REXO1: variants seen among roughly 807,000 people sequenced by gnomAD.
REXO1 encodes REX1, RNA exonuclease 1 homolog.
Under a neutral mutation model 102.6 loss-of-function variants are expected in REXO1, and 42 were observed. The ratio of observed to expected loss-of-function variants is 0.41; its 90% CI spans 0.32 to 0.53. The LOEUF is 0.53. Ranked by LOEUF, REXO1 falls within the 20% of genes least tolerant of loss-of-function variation. REXO1 has a pLI of 0.27. For synonymous variants in REXO1, 908 were observed against 779.1 expected (o/e 1.17, Z -2.76); for missense variants, 1,819 against 1,732.5 (o/e 1.05, Z -0.89).
At chr19:1,820,636 T>C (rs1242330397) in intron 5 of REXO1, among the ~76,000 whole-genome samples, 1 of 152,220 alleles carries the variant, frequency 6.6e-6, no homozygotes, top group African/African-American at 2.4e-5. Context: ...GAACTTGCTG[T>C]ACTTTCTGCT....
intron 5 of REXO1, among the ~76,000 whole-genome samples, chr19:1,820,949 T>A (rs1440031787): frequency 2.8e-5 from 4 of 143,322 alleles, no homozygotes; most frequent in East Asian, 2.1e-4. Flanking sequence ...CAGTGAGCCA[T>A]GATTGCGCCC....
chr19:1,835,767 C>T (rs1346213799), intron 1 of REXO1, among the ~76,000 whole-genome samples: 1 of 152,178 alleles, frequency 6.6e-6, no homozygotes, highest in Admixed American at 6.5e-5. Context: ...CTGCCCCTTC[C>T]TCCCTGCTTC....
intron 1 of REXO1, among the ~76,000 whole-genome samples, chr19:1,831,394 A>G (rs2069897331): frequency 6.6e-6 from 1 of 152,152 alleles, no homozygotes; most frequent in Non-Finnish European, 1.5e-5. Flanking sequence ...ACAGCGTGCT[A>G]AGACTTCCGT....
Position 1,825,903 on chromosome 19 carries a change from C to A in REXO1, c.1952G>T (p.Gly651Val). 1 of 1,611,294 alleles carries A rather than the reference C, an allele frequency of 6.2e-7. No homozygotes were observed. Among genetic ancestry groups the A allele is most frequent in the Non-Finnish European group, 8.5e-7 (1 of 1,179,398 alleles). The change falls in exon 3 of 16, where the codon GGT becomes GTT. Residue 651 changes from glycine (G) to valine (V), a missense_variant. Gly to Val is a moderately radical substitution (Grantham distance 109). Transcript: ENST00000170168. ...CTGCCCGGGGAACAGAGTGGTCAGA[C>A]CCGAAAGCCCCTTCTCCTCACTCTT... ...EEKSEEKGLS[G>V]LTTLFPGQKR...
intron 4 of REXO1, 138 bp downstream of exon 4, chr19:1,823,434 G>T: frequency 1.9e-6 from 1 of 518,830 alleles, no homozygotes; most frequent in Non-Finnish European, 3.0e-6. Context: ...GCAGGCTGAG[G>T]GCCCCAGGGA....
In REXO1 at chr19:1,828,379, G is replaced by T. The variant is rs755478987; in HGVS notation, c.410C>A (p.Thr137Asn). The T allele has an allele frequency of 3.7e-6, 6 of 1,608,706 alleles. No homozygotes were observed. Among genetic ancestry groups the T allele is most frequent in the Non-Finnish European group, 4.2e-6 (5 of 1,177,852 alleles). ...LAPRGPNASP[T>N]VGPDEDAFPL... ...GAAGGCATCCTCGTCCGGGCCCACAGTGGGGCTGGCGTTGGGGCCGCGGGG... is the reference window on the plus strand; with the variant it reads ...GAAGGCATCCTCGTCCGGGCCCACATTGGGGCTGGCGTTGGGGCCGCGGGG... Residue 137 changes from threonine to asparagine, a missense_variant, in exon 2 of 16, where the codon ACT becomes AAT. Physicochemically the swap from Thr to Asn is moderately conservative, Grantham distance 65. Coordinates refer to ENST00000170168, the MANE Select transcript of REXO1 (RefSeq NM_020695.4).
At position 1,821,667 on chromosome 19, in the gene REXO1, T is replaced by C; in HGVS notation, c.2246A>G (p.Lys749Arg). 6.2e-7 allele frequency: 1 copy of C among 1,612,444 alleles called. No homozygotes were observed. The highest frequency in any genetic ancestry group is 2.2e-5 in the East Asian group (1 of 44,838). The change falls in exon 5 of 16, where the codon AAG becomes AGG. Residue 749 changes from lysine (K) to arginine (R), a missense_variant. By Grantham distance (26) the Lys-to-Arg change is conservative. Transcript: ENST00000170168. ...PRLAAAPTGA[K>R]RTLAASGSQS... ...GCTGCCGCTGGCCGCAAGGGTCCTC[T>C]TGGCACCTGTGGGGGCTGGCGGGGC... is the stretch of plus-strand genomic sequence containing the variant.
Position 1,815,904 on chromosome 19 carries a change from T to C in REXO1, c.*162A>G, listed in dbSNP as rs1039723878. ...GGGTGCGGCAGGACGTGAGCGGGGG[T>C]GGGCTGGGCTGGGCGTTCTCTGGCC... is the stretch of plus-strand genomic sequence containing the variant. On this transcript the variant is annotated 3_prime_UTR_variant, in exon 16 of 16. Transcript: ENST00000170168. The surrounding 1 kb of genome is among the most constrained non-coding windows in gnomAD (Gnocchi z 4.0). The C allele has an allele frequency of 4.8e-6, 4 of 825,250 alleles. No homozygotes were observed. The highest frequency in any genetic ancestry group is 7.1e-6 in the Non-Finnish European group (4 of 564,324). The allele number at this position is 825,250 out of a possible 1,614,324, so 51.1% of individuals were successfully genotyped here.
In REXO1 at chr19:1,848,279, G is replaced by A; in HGVS notation, c.80C>T (p.Pro27Leu). 6 of 1,232,322 alleles carry A rather than the reference G, an allele frequency of 4.9e-6. No individual in the cohort carries two copies. The highest frequency in any genetic ancestry group is 6.1e-6 in the Non-Finnish European group (6 of 982,344). The allele number at this position is 1,232,322 out of a possible 1,614,324, so 76.3% of individuals were successfully genotyped here. A position where few individuals can be genotyped will look rare whatever the true frequency, so the allele number is the denominator to read the frequency against. ...CCCGCGGTGCCGGAAGTGGCAGTAG[G>A]GCCGCCGGCAGGGCCCCCCGGGCGC... ...SGAPGGPCRR[P>L]YCHFRHRGAR... The change falls in exon 1 of 16, where the codon CCC becomes CTC. Residue 27 changes from proline to leucine, a missense_variant. Coordinates refer to ENST00000170168, the MANE Select transcript of REXO1 (RefSeq NM_020695.4).
chr19:1,833,952 G>A (rs2069972122), intron 1 of REXO1, among the ~76,000 whole-genome samples: 1 of 152,228 alleles, frequency 6.6e-6, no homozygotes, highest in Non-Finnish European at 1.5e-5. Context: ...GCAGAGAGGA[G>A]GAAGAGCCCG....
Position 1,826,708 on chromosome 19 carries a change from C to T in REXO1, c.1911+170G>A, listed in dbSNP as rs866681320. 1.2e-4 allele frequency among the ~76,000 whole-genome samples: 18 copies of T among 152,014 alleles called. No homozygotes were observed. The highest frequency in any genetic ancestry group is 6.2e-4 in the South Asian group (3 of 4,816). On this transcript the variant is annotated intron_variant, in intron 2 of 15. Coordinates refer to ENST00000170168, the MANE Select transcript of REXO1 (RefSeq NM_020695.4). This position sits in a 1 kb window ranked among gnomAD's most constrained non-coding sequence, Gnocchi z 4.3. Reference sequence around the variant, plus strand: ...GGGCAACAGGAGCAACAGGGCTGCCCGGGTGCTCCTGAGCTCCTGAGATTT... The same window carrying T: ...GGGCAACAGGAGCAACAGGGCTGCCTGGGTGCTCCTGAGCTCCTGAGATTT...
intron 1 of REXO1, among the ~76,000 whole-genome samples, chr19:1,833,724 C>G (rs1320650620): frequency 6.6e-6 from 1 of 152,226 alleles, no homozygotes; most frequent in Non-Finnish European, 1.5e-5. Flanking sequence ...AGCACGCCAC[C>G]CTGCCACCCG....
rs1467996759 is a variant in REXO1, at chr19:1,827,249, G to A, written c.1540C>T (p.Arg514Trp). The change falls in exon 2 of 16, where the codon CGG becomes TGG. Residue 514 changes from arginine to tryptophan, a missense_variant. Coordinates refer to ENST00000170168, the MANE Select transcript of REXO1 (RefSeq NM_020695.4). The stretch of plus-strand genomic sequence containing the variant: ...AAGAGGTCGGCGTGGCTCAGGGCCC[G>A]CTTCTTCAGCTTGGGGGCGTCCTGG... ...ASQDAPKLKK[R>W]ALSHADLFGD... 9 of 1,553,760 alleles carry A rather than the reference G, an allele frequency of 5.8e-6. No individual in the cohort carries two copies. Among genetic ancestry groups the A allele is most frequent in the Non-Finnish European group, 7.8e-6 (9 of 1,156,182 alleles).
intron 1 of REXO1, among the ~76,000 whole-genome samples, chr19:1,833,657 T>G (rs1306852097): frequency 6.6e-6 from 1 of 152,044 alleles, no homozygotes; most frequent in Non-Finnish European, 1.5e-5. Flanking sequence ...AAGGGCGCCC[T>G]CCCGGCCCAC....
At chr19:1,821,208 G>C (rs921960637) in intron 5 of REXO1, among the ~76,000 whole-genome samples, 1 of 152,098 alleles carries the variant, frequency 6.6e-6, no homozygotes, top group East Asian at 1.9e-4. Flanking sequence ...AGCCAGGCGT[G>C]GTGGCGGGCG....
intron 10 of REXO1, 79 bp downstream of exon 10, chr19:1,818,403 C>T (rs2069433009): frequency 1.8e-6 from 2 of 1,095,656 alleles, no homozygotes; most frequent in Non-Finnish European, 2.7e-6. Flanking sequence ...AGCCTTACCC[C>T]AGTTCTGGGG....
intron 1 of REXO1, among the ~76,000 whole-genome samples, chr19:1,833,411 G>A (rs73519121): frequency 0.02 from 3,068 of 152,294 alleles, 98 homozygotes; most frequent in African/African-American, 0.07. Flanking sequence ...TCCAGGAAAC[G>A]TCACCCCATG....
At chr19:1,844,025 A>T (rs1357935202) in intron 1 of REXO1, among the ~76,000 whole-genome samples, 1 of 152,228 alleles carries the variant, frequency 6.6e-6, no homozygotes, top group Non-Finnish European at 1.5e-5. Context: ...GATCAGTAGG[A>T]TCCCAGGGCT....
intron 12 of REXO1, 183 bp downstream of exon 12, chr19:1,817,036 T>C (rs2069386903): frequency 1.2e-6 from 1 of 801,648 alleles, no homozygotes; most frequent in Admixed American, 2.7e-5. Flanking sequence ...GTGCCCGGTG[T>C]GCTTGGCTCT....
Sources: allele counts gnomAD v4.1 joint callset (sites outside exome capture counted in the v4.1 genomes callset), GRCh38; gene constraint gnomAD v4.1.1; non-coding constraint Gnocchi (gnomAD v3.1); transcripts MANE v1.5; gene names NCBI Gene and HGNC (gene_info 2026-07-23, HGNC 2026-07-21).